Variants in RRP12 observed in about 807,000 individuals in gnomAD.
RRP12 encodes the protein RRP12-like protein.
In RRP12, 78 loss-of-function variants were observed where a neutral mutation model predicts 157.3. That is an observed-to-expected ratio of 0.50 (90% CI 0.41 to 0.60). The LOEUF is 0.60. RRP12 is among the 20% of genes least tolerant of loss of function. The pLI is 0.00. For synonymous variants in RRP12, 726 were observed against 670.9 expected (o/e 1.08, Z -1.27); for missense variants, 1,521 against 1,679.9 (o/e 0.91, Z 1.65).
intron 8 of RRP12, among the ~76,000 whole-genome samples, chr10:97,387,081 A>G (rs975574989): frequency 6.6e-6 from 1 of 152,048 alleles, no homozygotes; most frequent in Non-Finnish European, 1.5e-5. Context: ...AAAATCTACC[A>G]ATGCTCAAGT....
chr10:97,381,765 G>C lies in RRP12; in HGVS notation c.1270C>G (p.Leu424Val), dbSNP rs377534789. 1.2e-6 allele frequency: 2 copies of C among 1,614,190 alleles called. No homozygotes were observed. The highest frequency in any genetic ancestry group is 1.7e-6 in the Non-Finnish European group (2 of 1,180,016). Reference sequence around the variant, plus strand: ...AGCACTTGCGAGTGTGGGGAAAGGAGGCAGGTCACCGCAGTTCCAAAAAAG... The same window carrying C: ...AGCACTTGCGAGTGTGGGGAAAGGACGCAGGTCACCGCAGTTCCAAAAAAG... ...PRFFGTAVTC[L>V]LSPHSQVLTA... Residue 424 changes from leucine to valine, a missense_variant, in exon 11 of 34, where the codon CTC becomes GTC. Transcript: ENST00000370992.
At position 97,367,051 on chromosome 10, in the gene RRP12, G is replaced by A. The variant is rs750620077; in HGVS notation, c.3037C>T (p.Arg1013Cys). 2.8e-5 allele frequency: 46 copies of A among 1,614,040 alleles called. No homozygotes were observed. The highest frequency in any genetic ancestry group is 8.8e-5 in the South Asian group (8 of 91,090). Residue 1013 changes from arginine to cysteine, a missense_variant, in exon 26 of 34, where the codon CGC becomes TGC. Coordinates refer to ENST00000370992, the MANE Select transcript of RRP12 (RefSeq NM_015179.4). ...GCTCAGTGCACAGACCCAAACTTGC[G>A]GATGAACTTGGTGAACAGGTTCCGA... ...KLRNLFTKFIRKFGFELVKRL... is the reference protein window; with the variant it reads ...KLRNLFTKFICKFGFELVKRL...
Position 97,385,378 on chromosome 10 carries a change from C to T in RRP12, c.1117-121G>A, listed in dbSNP as rs908986022. ...GGACAGTGCTTGTGACCCTAGCACT[C>T]ACAGCCCCCTTGGCTTTCCCAGCTC... On this transcript the variant is annotated intron_variant, in intron 9 of 33. Transcript: ENST00000370992. The T allele has an allele frequency of 4.9e-5, 37 of 759,852 alleles. No homozygotes were observed. In the Middle Eastern group the frequency reaches 1.5e-3, roughly 30 times the overall value. The allele number at this position is 759,852 out of a possible 1,614,324, so 47.1% of individuals were successfully genotyped here.
intron 1 of RRP12, 45 bp from the exon 2 acceptor site, chr10:97,400,579 C>A: frequency 1.3e-6 from 2 of 1,523,640 alleles, no homozygotes; most frequent in South Asian, 2.2e-5. Flanking sequence ...TCCTTTTGGT[C>A]AAGAGAACAG....
intron 2 of RRP12, among the ~76,000 whole-genome samples, chr10:97,398,037 G>GTTTTTT (rs1845029830): frequency 2.7e-5 from 1 of 36,576 alleles, no homozygotes; most frequent in African/African-American, 1.3e-4. Context: ...ATATATATAC[G>GTTTTTT]TATTTTTTTT....
chr10:97,392,001 G>T (rs1295455939), intron 4 of RRP12, among the ~76,000 whole-genome samples: 1 of 147,756 alleles, frequency 6.8e-6, no homozygotes, highest in Non-Finnish European at 1.5e-5. Flanking sequence ...CATGTTGTGG[G>T]TTTTTTTTTT....
Position 97,379,392 on chromosome 10 carries a change from T to C in RRP12, c.1699A>G (p.Ser567Gly). 6.2e-7 allele frequency: 1 copy of C among 1,614,042 alleles called. No individual in the cohort carries two copies. ...GSEETLDFPR[S>G]WLLPVIRDHV... ...TCTCGGATGACAGGCAGCAGCCAGCTCCGTGGGAAATCCAGAGTCTCCCTG... is the reference window on the plus strand; with the variant it reads ...TCTCGGATGACAGGCAGCAGCCAGCCCCGTGGGAAATCCAGAGTCTCCCTG... The change falls in exon 15 of 34, where the codon AGC becomes GGC. Residue 567 changes from serine to glycine, a missense_variant. Ser to Gly is a moderately conservative substitution (Grantham distance 56, BLOSUM62 0). Transcript: ENST00000370992.
At chr10:97,381,555 A>T (rs1554880097) in intron 11 of RRP12, 72 bp from the exon 12 acceptor site, 2 of 1,303,716 alleles carry the variant, frequency 1.5e-6, no homozygotes, top group Non-Finnish European at 2.1e-6. Context: ...CCCAGGCAAC[A>T]GTTTCCTGGG....
Position 97,366,450 on chromosome 10 carries a change from G to C in RRP12, c.3387C>G (p.Val1129=), listed in dbSNP as rs1316877147. The C allele has an allele frequency of 9.3e-6, 15 of 1,610,840 alleles. No individual in the cohort carries two copies. The highest frequency in any genetic ancestry group is 1.3e-5 in the Non-Finnish European group (15 of 1,178,382). The change falls in exon 28 of 34, where the codon GTC becomes GTG. Residue 1129 remains valine (V), a synonymous_variant. Coordinates refer to ENST00000370992, the MANE Select transcript of RRP12 (RefSeq NM_015179.4). ...ACTGGCCAGCCCTGTGCTTACCCAG[G>C]ACTCGTTGGGCCACCTTGGGATCCA... ...NFLDPKVAQR[V]LATQPGPGRG...
Position 97,365,943 on chromosome 10 carries a change from G to T in RRP12, c.3517+165C>A. ...AAATGGCTCGGTTACAACATAAAAA[G>T]ATTTCTTAATGTTTCTCAAAAAAAG... On this transcript the variant is annotated intron_variant, in intron 29 of 33. Transcript: ENST00000370992. 2.3e-6 allele frequency: 2 copies of T among 862,988 alleles called. 1 individual carries two copies. Among genetic ancestry groups the T allele is most frequent in the South Asian group, 2.9e-5 (2 of 68,212 alleles). 53.5% of individuals were successfully genotyped at this position (862,988 alleles called of 1,614,324 possible). A position where few individuals can be genotyped will look rare whatever the true frequency, so the allele number is the denominator to read the frequency against.
At chr10:97,400,237 G>A (rs1845101279) in intron 2 of RRP12, 68 bp downstream of exon 2, 2 of 1,182,308 alleles carry the variant, frequency 1.7e-6, no homozygotes, top group Non-Finnish European at 2.5e-6. Context: ...CTGTCGGCCA[G>A]AGCTGAAGAA....
chr10:97,375,296 G>T (rs1056066316), intron 15 of RRP12, among the ~76,000 whole-genome samples: 1 of 151,852 alleles, frequency 6.6e-6, no homozygotes, highest in African/African-American at 2.4e-5. Flanking sequence ...TAGAGACAGG[G>T]TCTTGCTATG....
chr10:97,358,769 G>C, intron 32 of RRP12, 150 bp from the exon 33 acceptor site: 1 of 790,562 alleles, frequency 1.3e-6, no homozygotes, highest in Non-Finnish European at 2.2e-6. Flanking sequence ...ATTCAATAAG[G>C]TCCCCCATTT....
chr10:97,374,199 T>C (rs1197743209), intron 15 of RRP12, among the ~76,000 whole-genome samples: 13 of 152,170 alleles, frequency 8.5e-5, no homozygotes, highest in Admixed American at 8.5e-4. Flanking sequence ...AGACAGGGTC[T>C]CACTTTGTGG....
chr10:97,395,128 G>A (rs1009852893), intron 3 of RRP12, among the ~76,000 whole-genome samples: 2 of 152,032 alleles, frequency 1.3e-5, no homozygotes, highest in South Asian at 4.1e-4. Context: ...GGGCAACAAA[G>A]TGAGACCCTG....
At chr10:97,398,844 G>C (rs1175716441) in intron 2 of RRP12, among the ~76,000 whole-genome samples, 1 of 152,034 alleles carries the variant, frequency 6.6e-6, no homozygotes, top group Non-Finnish European at 1.5e-5. Flanking sequence ...TAGCATCTAA[G>C]TAGGGGTATA....
intron 13 of RRP12, among the ~76,000 whole-genome samples, chr10:97,380,290 C>T (rs933568819): frequency 2.0e-5 from 3 of 152,148 alleles, no homozygotes; most frequent in African/African-American, 4.8e-5. Flanking sequence ...GAAGGCCCCA[C>T]GAGGCCAGGA....
intron 2 of RRP12, 54 bp from the exon 3 acceptor site, chr10:97,396,355 G>A: frequency 1.5e-6 from 2 of 1,366,998 alleles, no homozygotes; most frequent in Non-Finnish European, 2.1e-6. Flanking sequence ...CCCACCCCAG[G>A]GGAACCTCCT....
intron 17 of RRP12, 118 bp downstream of exon 17, chr10:97,373,457 A>T (rs1318328613): frequency 8.3e-7 from 1 of 1,204,546 alleles, no homozygotes; most frequent in Non-Finnish European, 1.1e-6. Context: ...GCAGCAAAGG[A>T]TGAGCTCCAG....
Sources: gnomAD v4.1 joint callset for allele counts (sites outside exome capture counted in the v4.1 genomes callset) on GRCh38, gnomAD v4.1.1 for gene constraint, MANE v1.5 for transcripts, NCBI Gene and HGNC (gene_info 2026-07-23, HGNC 2026-07-21) for gene names.